Variants in PRRG1 observed in about 807,000 individuals in gnomAD.
PRRG1 encodes the protein transmembrane gamma-carboxyglutamic acid protein 1.
PRRG1 carries 5 observed loss-of-function variants against 11.8 expected under a neutral mutation model. The ratio of observed to expected loss-of-function variants is 0.42; its 90% CI spans 0.22 to 0.89. The LOEUF (loss-of-function observed/expected upper bound fraction) is 0.89. Among genes scored for constraint, PRRG1 ranks in the 40% least tolerant of loss-of-function variants. The pLI is 0.28. For synonymous variants in PRRG1, 66 were observed against 60.4 expected, an observed-to-expected ratio of 1.09 and a Z score of -0.43; for missense variants, 155 against 166.1, an observed-to-expected ratio of 0.93 and a Z score of 0.37.
At chrX:37,441,638 C>T (rs1182695520) in intron 3 of PRRG1, 1 of 799,583 alleles carries the variant, frequency 1.3e-6, no homozygotes, top group Non-Finnish European at 1.5e-6. Flanking sequence ...CTGTCCATGG[C>T]CTTCTACTTC....
chrX:37,376,909 A>G (rs781787467), intron 1 of PRRG1, among the ~76,000 whole-genome samples: 9 of 109,482 alleles, frequency 8.2e-5, no homozygotes, highest in African/African-American at 3.0e-4. Flanking sequence ...TTATTAACCT[A>G]GTTAGGACTT....
intron 3 of PRRG1, chrX:37,441,396 A>G: frequency 1.3e-6 from 1 of 754,520 alleles, no homozygotes. Flanking sequence ...AAAGGAATGC[A>G]TCCCTCCCCA....
chrX:37,420,547 C>T (rs1932624611), intron 2 of PRRG1, among the ~76,000 whole-genome samples: 1 of 108,333 alleles, frequency 9.2e-6, no homozygotes, highest in African/African-American at 3.4e-5. Context: ...AATAGGGCAC[C>T]TATGGCCAGG....
At chrX:37,404,363 A>G (rs974318485) in intron 1 of PRRG1, among the ~76,000 whole-genome samples, 27 of 111,463 alleles carry the variant, frequency 2.4e-4, no homozygotes, top group African/African-American at 8.8e-4. Flanking sequence ...TTCTTTTGGT[A>G]TTTCCTGGAG....
At chrX:37,437,204 T>C (rs1407694798) in intron 3 of PRRG1, among the ~76,000 whole-genome samples, 1 of 111,954 alleles carries the variant, frequency 8.9e-6, no homozygotes, top group African/African-American at 3.3e-5. Context: ...TTATAAATTA[T>C]TTGTAGTGTC....
chrX:37,453,304 A>G lies in PRRG1; in HGVS notation c.340A>G (p.Thr114Ala), dbSNP rs1335643971. 1 of 1,206,033 alleles carries G rather than the reference A, an allele frequency of 8.3e-7. No individual in the cohort carries two copies. Among genetic ancestry groups the G allele is most frequent in the Non-Finnish European group, 1.1e-6 (1 of 892,332 alleles). The stretch of plus-strand genomic sequence containing the variant: ...CCTAAGAAACAAAACTCGTAGACAG[A>G]CAGTGACTGAAGGCCACATTCCTTT... ...CFLRNKTRRQ[T>A]VTEGHIPFPQ... Residue 114 changes from threonine (T) to alanine (A), a missense_variant, in exon 4 of 4, where the codon ACA becomes GCA. Physicochemically the swap from Thr to Ala is moderately conservative, Grantham distance 58. Transcript: ENST00000378628.
At chrX:37,397,945 TA>T (rs1931774014) in intron 1 of PRRG1, among the ~76,000 whole-genome samples, 1 of 105,562 alleles carries the variant, frequency 9.5e-6, no homozygotes, top group Non-Finnish European at 1.9e-5. Context: ...TCAAGATAAA[TA>T]AATACTGCTG....
At chrX:37,357,201 C>T (rs1342364014) in intron 1 of PRRG1, among the ~76,000 whole-genome samples, 2 of 111,403 alleles carry the variant, frequency 1.8e-5, no homozygotes, top group African/African-American at 3.3e-5. Flanking sequence ...CACCTAGTAA[C>T]GTTCATGTAA....
chrX:37,385,192 A>G lies in PRRG1; in HGVS notation c.-41-21017A>G, dbSNP rs782485317. On this transcript the variant is annotated intron_variant, in intron 1 of 3. Coordinates refer to ENST00000378628, the MANE Select transcript of PRRG1 (RefSeq NM_001142395.2). The stretch of plus-strand genomic sequence containing the variant: ...CAACTATATGCAACAATATGGATGA[A>G]TCTTACAAACATGATGTTGAGCAAA... 3.6e-5 allele frequency among the ~76,000 whole-genome samples: 4 copies of G among 112,255 alleles called. No homozygotes were observed. The South Asian group carries it at 1.5e-3, about 42-fold the overall frequency.
chrX:37,411,985 A>G (rs1170874456), intron 2 of PRRG1, among the ~76,000 whole-genome samples: 2 of 111,330 alleles, frequency 1.8e-5, no homozygotes, highest in East Asian at 5.5e-4. Context: ...TAGTCTTTGG[A>G]AATAGGTCTT....
chrX:37,369,363 A>AT (rs527419405), intron 1 of PRRG1, among the ~76,000 whole-genome samples: 19 of 110,785 alleles, frequency 1.7e-4, no homozygotes, highest in Non-Finnish European at 2.7e-4. Flanking sequence ...TCAGTCCTCC[A>AT]TTTTTTTTAA....
intron 3 of PRRG1, among the ~76,000 whole-genome samples, chrX:37,436,641 T>A (rs1490298628): frequency 8.9e-6 from 1 of 112,320 alleles, no homozygotes; most frequent in Non-Finnish European, 1.9e-5. Flanking sequence ...GAAACTCTTA[T>A]TTCACTTAGC....
intron 1 of PRRG1, among the ~76,000 whole-genome samples, chrX:37,401,953 G>T (rs1271966397): frequency 1.8e-5 from 2 of 110,573 alleles, no homozygotes; most frequent in Admixed American, 1.9e-4. Flanking sequence ...TCTTCAAGGA[G>T]AACTACAAAC....
intron 3 of PRRG1, among the ~76,000 whole-genome samples, chrX:37,428,084 A>T (rs996753600): frequency 7.2e-5 from 8 of 110,983 alleles, no homozygotes; most frequent in Non-Finnish European, 1.3e-4. Context: ...CCATAATTCA[A>T]TTACCTCCCC....
chrX:37,413,155 C>T (rs1281421125), intron 2 of PRRG1, among the ~76,000 whole-genome samples: 1 of 111,012 alleles, frequency 9.0e-6, no homozygotes, highest in African/African-American at 3.3e-5. Flanking sequence ...CATTATCACC[C>T]AAAGTCCATA....
chrX:37,452,600 G>A (rs1921184979), intron 3 of PRRG1, among the ~76,000 whole-genome samples: 1 of 111,487 alleles, frequency 9.0e-6, no homozygotes, highest in African/African-American at 3.3e-5. Flanking sequence ...CTAAACTTTG[G>A]GGTTGGAGAG....
intron 1 of PRRG1, among the ~76,000 whole-genome samples, chrX:37,394,748 C>T (rs1271174080): frequency 9.1e-6 from 1 of 110,337 alleles, no homozygotes; most frequent in Admixed American, 9.6e-5. Context: ...ATTTAAGGAA[C>T]ATCAAAAATG....
chrX:37,443,230 G>A (rs782493270), intron 3 of PRRG1, among the ~76,000 whole-genome samples: 1 of 111,543 alleles, frequency 9.0e-6, no homozygotes, highest in Non-Finnish European at 1.9e-5. Context: ...GGGAGATGGG[G>A]ACAATAAGTT....
chrX:37,370,783 G>T (rs1206095188), intron 1 of PRRG1, among the ~76,000 whole-genome samples: 1 of 111,964 alleles, frequency 8.9e-6, no homozygotes, highest in African/African-American at 3.2e-5. Flanking sequence ...ATCTGCTCCT[G>T]CTGCCTGGCC....
Sources: allele counts gnomAD v4.1 joint callset (sites outside exome capture counted in the v4.1 genomes callset), GRCh38; gene constraint gnomAD v4.1.1; transcripts MANE v1.5; gene names NCBI Gene and HGNC (gene_info 2026-07-23, HGNC 2026-07-21).